ZNF263: variants seen among roughly 807,000 people sequenced by gnomAD.
The protein encoded by ZNF263 is zinc finger protein 263.
A neutral mutation model predicts 63.1 loss-of-function variants in ZNF263; 49 were observed. The observed-to-expected ratio is 0.78, with a 90% confidence interval of 0.62 to 0.99. ZNF263 has a LOEUF of 0.99. Among genes scored for constraint, ZNF263 ranks in the 50% least tolerant of loss-of-function variants. ZNF263 has a pLI of 0.00. For synonymous variants in ZNF263, 352 were observed against 324.2 expected, an observed-to-expected ratio of 1.09 and a Z score of -0.92; for missense variants, 872 against 854.8, an observed-to-expected ratio of 1.02 and a Z score of -0.25.
intron 2 of ZNF263, chr16:3,300,676 CAAAA>C: frequency 3.0e-6 from 4 of 1,312,720 alleles, no homozygotes; most frequent in Non-Finnish European, 1.0e-6. Context: ...AATGAATTGG[CAAAA>C]AAAAAACCCA....
intron 4 of ZNF263, among the ~76,000 whole-genome samples, chr16:3,287,725 T>A (rs1959431438): frequency 6.6e-6 from 1 of 152,082 alleles, no homozygotes; most frequent in South Asian, 2.1e-4. Context: ...CTCATGGTCC[T>A]CTTAGAGCCC....
intron 5 of ZNF263, among the ~76,000 whole-genome samples, 164 bp downstream of exon 5, chr16:3,288,734 C>T (rs952444795): frequency 1.3e-5 from 2 of 152,160 alleles, no homozygotes; most frequent in East Asian, 3.9e-4. Context: ...CAAGCTCCGC[C>T]TCCCAGGTTC....
rs1959537391 is a variant in ZNF263 at position 3,289,873 on chromosome 16, A to G, written c.1367A>G (p.His456Arg). 6.2e-7 allele frequency: 1 copy of G among 1,614,112 alleles called. No individual in the cohort carries two copies. The highest frequency in any genetic ancestry group is 1.1e-5 in the South Asian group (1 of 91,090). ...NTHLTRHQRT[H>R]TGEKPYQCNI... ...CATCTGACTCGCCACCAACGCACCC[A>G]CACGGGTGAGAAGCCCTATCAGTGC... is the stretch of plus-strand genomic sequence containing the variant. The change falls in exon 6 of 6, where the codon CAC becomes CGC. Residue 456 changes from histidine to arginine, a missense_variant. Coordinates refer to ENST00000219069, the MANE Select transcript of ZNF263 (RefSeq NM_005741.5).
rs1959299607 is a variant in ZNF263, at chr16:3,285,200, C to A, written c.529C>A (p.Pro177Thr). 3 of 1,613,552 alleles carry A rather than the reference C, an allele frequency of 1.9e-6. No individual in the cohort carries two copies. The Admixed American group carries it at 5.0e-5, about 27-fold the overall frequency. The change falls in exon 2 of 6, where the codon CCC becomes ACC. Residue 177 changes from proline to threonine, a missense_variant. Pro to Thr is a conservative substitution (Grantham distance 38). Coordinates refer to ENST00000219069, the MANE Select transcript of ZNF263 (RefSeq NM_005741.5). Reference sequence around the variant, plus strand: ...CCCCAGGCTGCAGGAGCTGCTAGGCCCCAGCCCCCAAAGGGACCCCCAGGC... The same window carrying A: ...CCCCAGGCTGCAGGAGCTGCTAGGCACCAGCCCCCAAAGGGACCCCCAGGC... ...PGPRLQELLG[P>T]SPQRDPQAVK...
chr16:3,299,995 T>G lies in ZNF263; in HGVS notation c.*46+839T>G, dbSNP rs751120040. ...ACATAAAAAGGCAGACAACCTTTCT[T>G]TGTTTATTTTCTTCCCTGGTAGGCA... is the stretch of plus-strand genomic sequence containing the variant. On this transcript the variant is annotated intron_variant, in intron 2 of 2. Transcript: ENST00000574674. 77 of 1,614,004 alleles carry G rather than the reference T, an allele frequency of 4.8e-5. No homozygotes were observed. Among genetic ancestry groups the G allele is most frequent in the Non-Finnish European group, 6.5e-5 (77 of 1,180,000 alleles).
At chr16:3,297,335 G>A (rs951445400) in intron 1 of ZNF263, among the ~76,000 whole-genome samples, 12 of 150,146 alleles carry the variant, frequency 8.0e-5, no homozygotes, top group Admixed American at 8.0e-4. Context: ...AGCCAGTAAT[G>A]AAAATGGCAA....
At chr16:3,284,927 C>T in intron 1 of ZNF263, 132 bp from the exon 2 acceptor site, 1 of 1,156,518 alleles carries the variant, frequency 8.6e-7, no homozygotes, top group Non-Finnish European at 1.2e-6. Context: ...TAGTGTAAAC[C>T]ATTTTTCTGT....
chr16:3,299,546 T>C (rs1344736515), intron 2 of ZNF263: 4 of 1,526,740 alleles, frequency 2.6e-6, no homozygotes, highest in Middle Eastern at 1.8e-4. Context: ...TCATCATCAC[T>C]TTCTTCAAAT....
Position 3,300,258 on chromosome 16 carries a change from G to A in ZNF263, c.*47-655G>A. 4 of 1,614,164 alleles carry A rather than the reference G, an allele frequency of 2.5e-6. No individual in the cohort carries two copies. In the Admixed American group the frequency reaches 6.7e-5, roughly 27 times the overall value. ...TAAAAAGCCAACCAGTGCTAGCTTT[G>A]AAATCTGTTCGCCCAAAACACCGTG... On this transcript the variant is annotated intron_variant, in intron 2 of 2. Coordinates refer to the ZNF263 transcript ENST00000574674.
In ZNF263 at chr16:3,291,012, T is replaced by G; in HGVS notation, c.*454T>G. The G allele has an allele frequency of 1.0e-6, 1 of 997,564 alleles. No individual in the cohort carries two copies. Among genetic ancestry groups the G allele is most frequent in the South Asian group, 4.3e-5 (1 of 23,326 alleles). The allele number at this position is 997,564 out of a possible 1,614,324, so 61.8% of individuals were successfully genotyped here. ...GGGCCAAGTACCCTGGGAAATCAGC[T>G]GAAGGTCAACAAAAGACTGGTTGTG... is the stretch of plus-strand genomic sequence containing the variant. On this transcript the variant is annotated 3_prime_UTR_variant, in exon 6 of 6. Transcript: ENST00000219069.
Position 3,290,461 on chromosome 16 carries a change from C to A in ZNF263, c.1955C>A (p.Thr652Lys), listed in dbSNP as rs924080839. 2 of 1,614,068 alleles carry A rather than the reference C, an allele frequency of 1.2e-6. No homozygotes were observed. Among genetic ancestry groups the A allele is most frequent in the Non-Finnish European group, 1.7e-6 (2 of 1,180,018 alleles). The change falls in exon 6 of 6, where the codon ACG (threonine) becomes AAG (lysine). Residue 652 changes from threonine (T) to lysine (K), a missense_variant. By Grantham distance (78) the Thr-to-Lys change is moderately conservative (BLOSUM62 -1). Transcript: ENST00000219069. ...TCCAATCGGATTCGCCACCTGAGAA[C>A]GCATACGGGAGAGAGACCCTATAAA... ...HSSNRIRHLR[T>K]HTGERPYKCS...
rs569007409 is a variant in ZNF263 at position 3,300,175 on chromosome 16, C to T, written c.*47-738C>T. The T allele has an allele frequency of 8.1e-6, 13 of 1,614,214 alleles. No homozygotes were observed. In the African/African-American group the frequency reaches 1.7e-4, roughly 22 times the overall value. On this transcript the variant is annotated intron_variant, in intron 2 of 2. Transcript: ENST00000574674. Reference sequence around the variant, plus strand: ...TGGCTCAACATTTTCAGAAACTGAACTTAGGACTTGTTCCCCACATCCTTT... The same window carrying T: ...TGGCTCAACATTTTCAGAAACTGAATTTAGGACTTGTTCCCCACATCCTTT...
chr16:3,299,405 AAAG>A (rs577513743), intron 2 of ZNF263: 399 of 1,553,938 alleles, frequency 2.6e-4, no homozygotes, highest in Non-Finnish European at 3.2e-4. Flanking sequence ...TCCTTTTTGT[AAAG>A]AAGATTTTCC....
chr16:3,297,522 T>C (rs543705474), intron 1 of ZNF263, among the ~76,000 whole-genome samples: 34 of 134,130 alleles, frequency 2.5e-4, no homozygotes, highest in African/African-American at 9.5e-4. Flanking sequence ...TGGAGTGCAG[T>C]GGCGCGATCT....
At chr16:3,285,033 G>T (rs763007953) in intron 1 of ZNF263, 26 bp from the exon 2 acceptor site, 14 of 1,613,036 alleles carry the variant, frequency 8.7e-6, no homozygotes, top group Non-Finnish European at 1.2e-5. Context: ...CTGTTGTGAT[G>T]ATGAGTGATG....
intron 2 of ZNF263, chr16:3,300,027 T>A: frequency 6.2e-7 from 1 of 1,614,228 alleles, no homozygotes; most frequent in African/African-American, 1.3e-5. Context: ...GGCAGATATC[T>A]TTCCTACTTG....
chr16:3,290,542 G>T lies in ZNF263; in HGVS notation c.2036G>T (p.Arg679Ile), dbSNP rs1427357692. ...AGTTCCCGTCTTATGAGTCATCAGAGAACTCACACAGGTTAGTAACAGTGG... is the reference window on the plus strand; with the variant it reads ...AGTTCCCGTCTTATGAGTCATCAGATAACTCACACAGGTTAGTAACAGTGG... ...SRSSRLMSHQRTHTG is the reference protein window; with the variant it reads ...SRSSRLMSHQITHTG The change falls in exon 6 of 6, where the codon AGA (arginine) becomes ATA (isoleucine). Residue 679 changes from arginine (R) to isoleucine (I), a missense_variant. By Grantham distance (97) the Arg-to-Ile change is moderately conservative. Transcript: ENST00000219069. 2 of 1,611,546 alleles carry T rather than the reference G, an allele frequency of 1.2e-6. No individual in the cohort carries two copies. Among genetic ancestry groups the T allele is most frequent in the Non-Finnish European group, 1.7e-6 (2 of 1,178,740 alleles).
chr16:3,284,368 A>G lies in ZNF263; in HGVS notation c.387+163A>G, dbSNP rs1456261410. On this transcript the variant is annotated intron_variant, in intron 1 of 5. Coordinates refer to ENST00000219069, the MANE Select transcript of ZNF263 (RefSeq NM_005741.5). Reference sequence around the variant, plus strand: ...CACTCATCCTCCAGATTTTCCCCCAAATGAACGAAAGCAGTGAAGAGTGCC... The same window carrying G: ...CACTCATCCTCCAGATTTTCCCCCAGATGAACGAAAGCAGTGAAGAGTGCC... Among the ~76,000 whole-genome samples, 3 of 152,158 alleles carry G rather than the reference A, an allele frequency of 2.0e-5. No homozygotes were observed. The South Asian group carries it at 6.2e-4, about 31-fold the overall frequency.
chr16:3,293,014 TCTC>T (rs1289484852), downstream of ZNF263: 1 of 152,222 alleles, frequency 6.6e-6, no homozygotes. Flanking sequence ...ACTGATGACA[TCTC>T]CTTCCCTTGT....
Sources: allele counts gnomAD v4.1 joint callset (sites outside exome capture counted in the v4.1 genomes callset), GRCh38; gene constraint gnomAD v4.1.1; transcripts MANE v1.5; gene names NCBI Gene and HGNC (gene_info 2026-07-23, HGNC 2026-07-21).